The following PRKCB variants were observed in gnomAD, a reference collection of about 807,000 sequenced individuals.
PRKCB encodes the protein protein kinase C beta.
In PRKCB, 13 loss-of-function variants were observed where a neutral mutation model predicts 81.5. The observed-to-expected ratio is 0.16, with a 90% CI of 0.10 to 0.25. PRKCB has a LOEUF of 0.25. Among genes scored for constraint, PRKCB ranks in the 10% least tolerant of loss-of-function variants. The probability of loss-of-function intolerance (pLI) is 1.00; values close to 1 mark genes in which losing one functional copy is unlikely to be tolerated. For synonymous variants in PRKCB, 335 were observed against 321.4 expected (o/e 1.04, Z -0.45); for missense variants, 509 against 875.7 (o/e 0.58, Z 5.29).
At chr16:24,021,018 T>TTCTTTCTTTTTC (rs1965362256) in intron 3 of PRKCB, among the ~76,000 whole-genome samples, 12 of 134,636 alleles carry the variant, frequency 8.9e-5, no homozygotes, top group African/African-American at 3.2e-4. Context: ...CTTTCTTTCT[T>TTCTTTCTTTTTC]TCTTTCTTTC....
At chr16:23,993,593 G>A (rs6497707) in intron 3 of PRKCB, among the ~76,000 whole-genome samples, 103,686 of 152,066 alleles carry the variant, frequency 0.68, 36,381 homozygotes, top group African/African-American at 0.85. Flanking sequence ...GAGCCCCAGC[G>A]TCCTTTAAGA....
At chr16:24,075,508 A>T (rs1325261493) in intron 5 of PRKCB, among the ~76,000 whole-genome samples, 1 of 152,160 alleles carries the variant, frequency 6.6e-6, no homozygotes, top group African/African-American at 2.4e-5. Context: ...TGGGACAGGG[A>T]GATAAAGAAG....
At chr16:24,211,849 C>T (rs576583461) in intron 16 of PRKCB, among the ~76,000 whole-genome samples, 2 of 152,114 alleles carry the variant, frequency 1.3e-5, no homozygotes, top group Non-Finnish European at 2.9e-5. Flanking sequence ...CATGAGCCAC[C>T]GCGCCCGGCC....
Position 24,108,160 on chromosome 16 carries a change from AT to A in PRKCB, c.822-4804del, listed in dbSNP as rs1050746201. 7.0e-4 allele frequency among the ~76,000 whole-genome samples: 90 copies of A among 128,380 alleles called. 1 individual carries two copies. The highest frequency in any genetic ancestry group is 6.3e-3 in the South Asian group (27 of 4,320). 84.2% of individuals were successfully genotyped at this position (128,380 alleles called of 152,430 possible). A position where few individuals can be genotyped will look rare whatever the true frequency, so the allele number is the denominator to read the frequency against. Reference sequence around the variant, plus strand: ...TGATTTCCTTGATTTCCATTTGTTTATTTTTTTTTCTTTTTTTTTTTATTGG... The same window carrying A: ...TGATTTCCTTGATTTCCATTTGTTTATTTTTTTTCTTTTTTTTTTTATTGG... On this transcript the variant is annotated intron_variant, in intron 7 of 16. Coordinates refer to ENST00000643927, the MANE Select transcript of PRKCB (RefSeq NM_002738.7).
chr16:23,838,380 A>G (rs1016252552), intron 2 of PRKCB, among the ~76,000 whole-genome samples: 5 of 152,236 alleles, frequency 3.3e-5, no homozygotes, highest in African/African-American at 9.6e-5. Flanking sequence ...AGTGGGGAAC[A>G]CTTCACCCAT....
intron 9 of PRKCB, among the ~76,000 whole-genome samples, chr16:24,154,174 G>A (rs1967119248): frequency 6.6e-6 from 1 of 152,154 alleles, no homozygotes; most frequent in Non-Finnish European, 1.5e-5. Flanking sequence ...TCTCTTGATT[G>A]AGTTCAGCTA....
intron 2 of PRKCB, among the ~76,000 whole-genome samples, chr16:23,908,731 C>T (rs894802092): frequency 2.0e-5 from 3 of 151,902 alleles, no homozygotes; most frequent in Non-Finnish European, 2.9e-5. Context: ...GGGGTTTCAC[C>T]GTGATCTCGA....
chr16:23,906,420 A>AT (rs1249417195), intron 2 of PRKCB, among the ~76,000 whole-genome samples: 3 of 152,154 alleles, frequency 2.0e-5, no homozygotes, highest in African/African-American at 7.2e-5. Flanking sequence ...AGCCTGGCAT[A>AT]TGTTTTATAT....
chr16:24,086,262 A>G (rs1966309155), intron 5 of PRKCB, among the ~76,000 whole-genome samples: 1 of 152,128 alleles, frequency 6.6e-6, no homozygotes. Context: ...CCAACTTGGG[A>G]AGGTATGGCA....
intron 16 of PRKCB, among the ~76,000 whole-genome samples, chr16:24,198,848 C>T (rs971802048): frequency 1.3e-5 from 2 of 152,168 alleles, no homozygotes; most frequent in African/African-American, 4.8e-5. Context: ...GAGAAGCAGA[C>T]GTTAAGATCC....
At chr16:23,967,579 A>C (rs1375054587) in intron 2 of PRKCB, among the ~76,000 whole-genome samples, 1 of 152,186 alleles carries the variant, frequency 6.6e-6, no homozygotes, top group Non-Finnish European at 1.5e-5. Context: ...TTGGAGAGGC[A>C]GTGGTGAAAT....
intron 2 of PRKCB, among the ~76,000 whole-genome samples, chr16:23,876,582 G>A (rs201235233): frequency 3.3e-5 from 5 of 149,548 alleles, no homozygotes; most frequent in Non-Finnish European, 5.9e-5. Flanking sequence ...TTTTCTTTTT[G>A]AAAAAAAAAA....
At chr16:24,096,397 C>T (rs376744943) in intron 7 of PRKCB, among the ~76,000 whole-genome samples, 2 of 152,140 alleles carry the variant, frequency 1.3e-5, no homozygotes, top group Admixed American at 6.5e-5. Flanking sequence ...CTTTCACTGA[C>T]GTCATCATTT....
chr16:24,161,440 G>A (rs1299641549), intron 10 of PRKCB, among the ~76,000 whole-genome samples: 1 of 152,138 alleles, frequency 6.6e-6, no homozygotes, highest in African/African-American at 2.4e-5. Context: ...GATTTAGGGA[G>A]GGGTCTGTGG....
chr16:24,178,175 G>A (rs1368629842), intron 12 of PRKCB, among the ~76,000 whole-genome samples: 1 of 152,136 alleles, frequency 6.6e-6, no homozygotes, highest in East Asian at 1.9e-4. Context: ...GGAGATGTTG[G>A]GTTGTGGGGT....
chr16:23,864,507 A>G (rs1962738284), intron 2 of PRKCB, among the ~76,000 whole-genome samples: 1 of 152,228 alleles, frequency 6.6e-6, no homozygotes, highest in South Asian at 2.1e-4. Flanking sequence ...CATGTAACCT[A>G]CAGATAATAA....
At chr16:23,902,732 CCCTTCCTTCCTTCCTTCCTTCCTT>C (rs1555483455) in intron 2 of PRKCB, among the ~76,000 whole-genome samples, 1 of 11,114 alleles carries the variant, frequency 9.0e-5, no homozygotes. Context: ...CTCCCTTCCT[CCCTTCCTTCCTTCCTTCCTTCCTT>C]CCTTCCTTCC....
intron 5 of PRKCB, among the ~76,000 whole-genome samples, chr16:24,045,674 T>C (rs1965754609): frequency 6.6e-6 from 1 of 152,230 alleles, no homozygotes; most frequent in Non-Finnish European, 1.5e-5. Context: ...GGGGACCAGC[T>C]GCATCCCATC....
At chr16:24,200,309 A>G (rs1342834791) in intron 16 of PRKCB, among the ~76,000 whole-genome samples, 1 of 152,192 alleles carries the variant, frequency 6.6e-6, no homozygotes, top group Non-Finnish European at 1.5e-5. Context: ...ACATTTATAT[A>G]CTGACAAACA....
Sources: gnomAD v4.1 joint callset for allele counts (sites outside exome capture counted in the v4.1 genomes callset) on GRCh38, gnomAD v4.1.1 for gene constraint, MANE v1.5 for transcripts, NCBI Gene and HGNC (gene_info 2026-07-23, HGNC 2026-07-21) for gene names.